Variants in SERPINB11 observed in about 807,000 individuals in gnomAD.
The protein encoded by SERPINB11 is serpin B11.
SERPINB11 carries 32 observed loss-of-function variants against 36.7 expected under a neutral mutation model. That is an observed-to-expected ratio of 0.87 (90% CI 0.66 to 1.17). The LOEUF (loss-of-function observed/expected upper bound fraction) is 1.17, where lower values mean the gene tolerates loss of function less well. Among genes scored for constraint, SERPINB11 ranks in the 50% most tolerant of loss-of-function variants. The pLI is 0.00. For synonymous variants in SERPINB11, 174 were observed against 168.1 expected (o/e 1.04, Z -0.27); for missense variants, 528 against 458.4 (o/e 1.15, Z -1.39).
chr18:63,721,149 T>G (rs1598968897), intron 7 of SERPINB11, among the ~76,000 whole-genome samples, 163 bp downstream of exon 7: 1 of 152,218 alleles, frequency 6.6e-6, no homozygotes, highest in South Asian at 2.1e-4. Flanking sequence ...GGGAGACACA[T>G]GGCCTCTGCC....
rs1487008071 is a variant in SERPINB11, at chr18:63,723,823, A to G, written c.*424A>G. On this transcript the variant is annotated 3_prime_UTR_variant, in exon 8 of 8. Transcript: ENST00000544088. ...TTAAATATTTTCCTTGCATATGTAA[A>G]TAGAATGTGGTGAGTTTTAGTTCAA... The G allele has an allele frequency of 6.4e-6, 1 of 157,364 alleles. No homozygotes were observed. Among genetic ancestry groups the G allele is most frequent in the Admixed American group, 6.4e-5 (1 of 15,604 alleles). The allele number at this position is 157,364 out of a possible 1,614,324, so 9.7% of individuals were successfully genotyped here.
At chr18:63,721,222 G>A (rs1914805301) in intron 7 of SERPINB11, among the ~76,000 whole-genome samples, 1 of 152,216 alleles carries the variant, frequency 6.6e-6, no homozygotes, top group South Asian at 2.1e-4. Flanking sequence ...CATGGAAGCA[G>A]AAGTGATATT....
intron 5 of SERPINB11, 148 bp from the exon 6 acceptor site, chr18:63,719,865 C>A: frequency 1.8e-6 from 1 of 564,012 alleles, no homozygotes. Flanking sequence ...AAGAAGGCTC[C>A]ATGGCCAGGA....
chr18:63,719,987 T>C (rs1401709540), intron 5 of SERPINB11, 26 bp from the exon 6 acceptor site: 39 of 1,564,656 alleles, frequency 2.5e-5, no homozygotes, highest in Non-Finnish European at 3.4e-5. Context: ...CAAATCCAAA[T>C]ATAATTATCT....
chr18:63,705,452 A>G (rs1914347813), intron 1 of SERPINB11: 1 of 152,242 alleles, frequency 6.6e-6, no homozygotes, highest in African/African-American at 2.4e-5. Context: ...TATGCTTTAA[A>G]CAAATTATAA....
At chr18:63,719,441 G>A (rs1267865293) in intron 5 of SERPINB11, among the ~76,000 whole-genome samples, 4 of 151,960 alleles carry the variant, frequency 2.6e-5, no homozygotes, top group Admixed American at 2.6e-4. Flanking sequence ...AAATTGCAAT[G>A]TACCAAAATG....
chr18:63,720,608 C>T, intron 6 of SERPINB11: 2 of 460,760 alleles, frequency 4.3e-6, no homozygotes, highest in Non-Finnish European at 3.8e-6. Context: ...CAAGCTATCT[C>T]TATATATTAT....
At chr18:63,711,148 A>G (rs1331202873) in intron 2 of SERPINB11, among the ~76,000 whole-genome samples, 187 bp from the exon 3 acceptor site, 2 of 152,202 alleles carry the variant, frequency 1.3e-5, no homozygotes, top group East Asian at 3.8e-4. Flanking sequence ...GTATCTACTC[A>G]TAAAGTTGTT....
chr18:63,714,085 C>G (rs1966127), intron 4 of SERPINB11, among the ~76,000 whole-genome samples: 56,406 of 151,906 alleles, frequency 0.37, 11,313 homozygotes, highest in East Asian at 0.61. Flanking sequence ...TCTGTTTTCC[C>G]TATGTGTCGG....
chr18:63,716,413 C>G (rs1914669326), intron 5 of SERPINB11, among the ~76,000 whole-genome samples: 2 of 152,204 alleles, frequency 1.3e-5, no homozygotes, highest in South Asian at 2.1e-4. Context: ...TTTAAATTTA[C>G]TTTTCACAAT....
chr18:63,713,963 G>T (rs1201661234), intron 4 of SERPINB11, among the ~76,000 whole-genome samples: 1 of 152,136 alleles, frequency 6.6e-6, no homozygotes, highest in Non-Finnish European at 1.5e-5. Context: ...AGTTACTTAA[G>T]GTTGTTTCAA....
rs1274119846 is a variant in SERPINB11, at chr18:63,705,840, C to A, written c.-16+2834C>A. 2.6e-5 allele frequency: 4 copies of A among 152,284 alleles called. No individual in the cohort carries two copies. The East Asian group carries it at 7.7e-4, about 29-fold the overall frequency. 9.4% of individuals were successfully genotyped at this position (152,284 alleles called of 1,614,324 possible). A position where few individuals can be genotyped will look rare whatever the true frequency, so the allele number is the denominator to read the frequency against. On this transcript the variant is annotated intron_variant, in intron 1 of 7. Coordinates refer to ENST00000544088, the MANE Select transcript of SERPINB11 (RefSeq NM_001370475.1). Reference sequence around the variant, plus strand: ...CTAGCTTACTTAATTCACTAAAATGCAGAACATAGTGTGAAGAGCAACTGA... The same window carrying A: ...CTAGCTTACTTAATTCACTAAAATGAAGAACATAGTGTGAAGAGCAACTGA...
intron 3 of SERPINB11, 28 bp from the exon 4 acceptor site, chr18:63,712,537 C>G: frequency 6.2e-7 from 1 of 1,612,680 alleles, no homozygotes; most frequent in Non-Finnish European, 8.5e-7. Context: ...CAATTTAATA[C>G]ATCATTCTTT....
At chr18:63,709,581 A>T (rs958543067) in intron 1 of SERPINB11, among the ~76,000 whole-genome samples, 3 of 139,754 alleles carry the variant, frequency 2.1e-5, no homozygotes, top group African/African-American at 7.5e-5. Context: ...ACTGCACTCC[A>T]GTCTGGGCGA....
intron 7 of SERPINB11, among the ~76,000 whole-genome samples, chr18:63,722,326 T>A (rs1371998072): frequency 6.6e-6 from 1 of 152,198 alleles, no homozygotes; most frequent in Non-Finnish European, 1.5e-5. Flanking sequence ...GGTTTGCAGC[T>A]GTGGACAGGG....
At position 63,716,059 on chromosome 18, in the gene SERPINB11, T is replaced by C. The variant is rs747879910; in HGVS notation, c.382T>C (p.Trp128Arg). The change falls in exon 5 of 8, where the codon TGG (tryptophan) becomes CGG (arginine). Residue 128 changes from tryptophan (W) to arginine (R), a missense_variant. Transcript: ENST00000544088. Reference protein sequence around the residue: ...HQQYLSCSEKWYQARLQTVDF... With the variant: ...HQQYLSCSEKRYQARLQTVDF... Reference sequence around the variant, plus strand: ...GCAATATTTAAGCTGTTCTGAGAAATGGTATCAAGCCAGGTTGCAAACTGT... The same window carrying C: ...GCAATATTTAAGCTGTTCTGAGAAACGGTATCAAGCCAGGTTGCAAACTGT... The C allele has an allele frequency of 9.3e-6, 15 of 1,610,594 alleles. No individual in the cohort carries two copies. The highest frequency in any genetic ancestry group is 5.3e-5 in the African/African-American group (4 of 74,860).
At chr18:63,706,865 T>A (rs1914384962) in intron 1 of SERPINB11, among the ~76,000 whole-genome samples, 1 of 152,232 alleles carries the variant, frequency 6.6e-6, no homozygotes, top group Admixed American at 6.5e-5. Flanking sequence ...TCTGAAATCC[T>A]GGGTTATCCT....
intron 5 of SERPINB11, 119 bp from the exon 6 acceptor site, chr18:63,719,894 G>A (rs1420950209): frequency 2.7e-6 from 2 of 731,470 alleles, no homozygotes; most frequent in African/African-American, 1.9e-5. Flanking sequence ...GAGTTCTTCT[G>A]GTATCTCAAA....
intron 4 of SERPINB11, among the ~76,000 whole-genome samples, chr18:63,714,318 G>A (rs1199912736): frequency 2.0e-5 from 3 of 152,120 alleles, no homozygotes; most frequent in Non-Finnish European, 4.4e-5. Context: ...GCAAATGGGG[G>A]CAGAGCATCG....
Sources: allele counts gnomAD v4.1 joint callset (sites outside exome capture counted in the v4.1 genomes callset), GRCh38; gene constraint gnomAD v4.1.1; transcripts MANE v1.5; gene names NCBI Gene and HGNC (gene_info 2026-07-23, HGNC 2026-07-21).